The following PUM1 variants were observed in gnomAD, a reference collection of about 807,000 sequenced individuals.
PUM1 encodes the protein pumilio homolog 1.
Under a neutral mutation model 131.8 loss-of-function variants are expected in PUM1, and 13 were observed. The observed-to-expected ratio is 0.10, with a 90% confidence interval of 0.06 to 0.16. The LOEUF (loss-of-function observed/expected upper bound fraction) is 0.16. PUM1 is among the 10% of genes least tolerant of loss of function. The pLI is 1.00. For synonymous variants in PUM1, 509 were observed against 556.5 expected (o/e 0.91, Z 1.20); for missense variants, 961 against 1,512.4 (o/e 0.64, Z 6.05).
At chr1:30,980,308 G>T (rs1641309774) in intron 8 of PUM1, 145 bp from the exon 9 acceptor site, 8 of 676,354 alleles carry the variant, frequency 1.2e-5, no homozygotes, top group South Asian at 3.3e-5. Context: ...AGGGTAAAGA[G>T]AAATTTTAAA....
At chr1:30,956,234 ACAG>A (rs1429926174) in intron 14 of PUM1, among the ~76,000 whole-genome samples, 3 of 152,112 alleles carry the variant, frequency 2.0e-5, no homozygotes, top group Non-Finnish European at 4.4e-5. Context: ...TGAAAAGAAA[ACAG>A]CAGTCATAAG....
At chr1:31,009,966 G>A (rs991391808) in intron 3 of PUM1, among the ~76,000 whole-genome samples, 13 of 152,070 alleles carry the variant, frequency 8.5e-5, no homozygotes, top group Admixed American at 2.0e-4. Context: ...AGTATACCAG[G>A]CTGTCATAAT....
chr1:30,991,688 T>C (rs1641799765), intron 7 of PUM1, among the ~76,000 whole-genome samples: 1 of 152,222 alleles, frequency 6.6e-6, no homozygotes, highest in Non-Finnish European at 1.5e-5. Context: ...GCCCCTCTTT[T>C]GTAGTTCAGA....
At chr1:31,007,797 G>T (rs1427858738) in intron 3 of PUM1, among the ~76,000 whole-genome samples, 1 of 152,164 alleles carries the variant, frequency 6.6e-6, no homozygotes, top group African/African-American at 2.4e-5. Context: ...AGGGATCGCT[G>T]GCCATAAGCC....
chr1:30,984,011 C>T (rs1641455507), intron 7 of PUM1, among the ~76,000 whole-genome samples: 1 of 152,116 alleles, frequency 6.6e-6, no homozygotes, highest in African/African-American at 2.4e-5. Context: ...GTAATCATTC[C>T]ATATAACATT....
chr1:30,932,504 C>T lies in PUM1; in HGVS notation c.*707G>A, dbSNP rs1027242846. The stretch of plus-strand genomic sequence containing the variant: ...ATCACACCCGCCCAGCCTCAAAAGA[C>T]GTTCTGGGTGCTCGCATCTCCTCCT... On this transcript the variant is annotated 3_prime_UTR_variant, in exon 22 of 22. Coordinates refer to ENST00000426105, the MANE Select transcript of PUM1 (RefSeq NM_001020658.2). 5.9e-5 allele frequency: 9 copies of T among 151,838 alleles called. No homozygotes were observed. Among genetic ancestry groups the T allele is most frequent in the African/African-American group, 1.9e-4 (8 of 41,350 alleles). The allele number at this position is 151,838 out of a possible 1,614,324, so 9.4% of individuals were successfully genotyped here.
chr1:30,962,233 T>A (rs1263224761), intron 14 of PUM1, among the ~76,000 whole-genome samples: 2 of 152,242 alleles, frequency 1.3e-5, no homozygotes, highest in Middle Eastern at 3.4e-3. Context: ...AGGCAACAAG[T>A]CATTTGACAA....
intron 1 of PUM1, among the ~76,000 whole-genome samples, chr1:31,065,047 CA>C (rs1644453616): frequency 6.6e-6 from 1 of 152,130 alleles, no homozygotes; most frequent in African/African-American, 2.4e-5. Flanking sequence ...GCCTAAAAAG[CA>C]TTCTGAAACT....
intron 13 of PUM1, among the ~76,000 whole-genome samples, chr1:30,965,362 T>C (rs983723846): frequency 3.3e-5 from 5 of 152,232 alleles, no homozygotes; most frequent in Admixed American, 2.6e-4. Flanking sequence ...GAGTTAATGC[T>C]GCCCTCAATT....
chr1:30,934,226 A>G (rs899874476), intron 21 of PUM1, among the ~76,000 whole-genome samples: 2 of 152,204 alleles, frequency 1.3e-5, no homozygotes, highest in African/African-American at 4.8e-5. Flanking sequence ...CTGTGAGCTC[A>G]GGGAGCATTC....
intron 5 of PUM1, 113 bp from the exon 6 acceptor site, chr1:30,995,333 C>A (rs547540261): frequency 1.8e-6 from 2 of 1,123,208 alleles, no homozygotes; most frequent in South Asian, 2.9e-5. Flanking sequence ...AGTGTTGTGC[C>A]CTTTCACACA....
intron 3 of PUM1, among the ~76,000 whole-genome samples, chr1:31,010,502 G>T (rs930884122): frequency 3.3e-5 from 5 of 152,142 alleles, no homozygotes; most frequent in Non-Finnish European, 7.3e-5. Context: ...GTTGTGAGCT[G>T]CCCTATACAG....
At chr1:30,952,454 T>C (rs1639973627) in intron 15 of PUM1, 91 bp from the exon 16 acceptor site, 2 of 1,582,434 alleles carry the variant, frequency 1.3e-6, no homozygotes, top group African/African-American at 1.4e-5. Context: ...GCATCCGTTC[T>C]GAAACATGTG....
At chr1:30,986,317 A>T (rs947531559) in intron 7 of PUM1, among the ~76,000 whole-genome samples, 1 of 152,182 alleles carries the variant, frequency 6.6e-6, no homozygotes, top group Admixed American at 6.5e-5. Context: ...GTTCACAGAG[A>T]AAATCCCTTC....
intron 5 of PUM1, among the ~76,000 whole-genome samples, chr1:31,004,894 A>T (rs1165690523): frequency 1.3e-5 from 2 of 152,248 alleles, no homozygotes; most frequent in Non-Finnish European, 2.9e-5. Context: ...GTTCTTTCCC[A>T]CAAATTACAT....
At chr1:30,933,428 TCACACACACATACACACACACACA>T (rs952956142) in intron 21 of PUM1, 86 bp from the exon 22 acceptor site, 13 of 950,650 alleles carry the variant, frequency 1.4e-5, no homozygotes, top group Admixed American at 1.2e-4. Context: ...ATGTCATGCA[TCACACACACATACACACACACACA>T]CACACACACA....
chr1:31,053,565 T>A (rs1378048153), intron 2 of PUM1, among the ~76,000 whole-genome samples: 2 of 149,986 alleles, frequency 1.3e-5, no homozygotes, highest in Non-Finnish European at 3.0e-5. Context: ...CTACGTCTCC[T>A]GGGCTCAAGT....
At chr1:31,020,664 C>G (rs1642988215) in intron 3 of PUM1, among the ~76,000 whole-genome samples, 1 of 152,076 alleles carries the variant, frequency 6.6e-6, no homozygotes, top group Admixed American at 6.6e-5. Flanking sequence ...TCTAATAAAC[C>G]CACACCCAGT....
intron 20 of PUM1, among the ~76,000 whole-genome samples, chr1:30,938,940 C>CAGAT (rs1373988220): frequency 4.4e-5 from 5 of 114,104 alleles, no homozygotes; most frequent in African/African-American, 6.8e-5. Flanking sequence ...GACAGACAGA[C>CAGAT]AGACAGATAG....
Sources: allele counts gnomAD v4.1 joint callset (sites outside exome capture counted in the v4.1 genomes callset), GRCh38; gene constraint gnomAD v4.1.1; transcripts MANE v1.5; gene names NCBI Gene and HGNC (gene_info 2026-07-23, HGNC 2026-07-21).